Variants in PDE10A observed in about 807,000 individuals in gnomAD.
PDE10A encodes phosphodiesterase 10A.
A neutral mutation model predicts 97.7 loss-of-function variants in PDE10A; 39 were observed. The ratio of observed to expected loss-of-function variants is 0.40; its 90% CI spans 0.31 to 0.52. PDE10A has a LOEUF of 0.52. Among genes scored for constraint, PDE10A ranks in the 20% least tolerant of loss-of-function variants. The pLI is 0.56. For synonymous variants in PDE10A, 371 were observed against 376.8 expected (o/e 0.98, Z 0.18); for missense variants, 731 against 1,047.8 (o/e 0.70, Z 4.17).
intron 1 of PDE10A, among the ~76,000 whole-genome samples, chr6:165,752,759 T>C (rs570329049): frequency 1.3e-5 from 2 of 152,320 alleles, no homozygotes; most frequent in East Asian, 1.9e-4. Flanking sequence ...AAAATGCTCA[T>C]GTATTGGTTT....
chr6:165,576,335 T>C (rs920836150), intron 1 of PDE10A: 23 of 771,840 alleles, frequency 3.0e-5, no homozygotes, highest in African/African-American at 8.5e-5. Context: ...AACAGAGCTA[T>C]AGAGTACTAG....
At chr6:165,882,146 T>C (rs1045488697) in intron 1 of PDE10A, among the ~76,000 whole-genome samples, 4 of 152,206 alleles carry the variant, frequency 2.6e-5, no homozygotes, top group African/African-American at 7.2e-5. Flanking sequence ...GGCAGATTGA[T>C]TTCCACTCCA....
At chr6:165,816,695 A>G (rs1031329491) in intron 1 of PDE10A, among the ~76,000 whole-genome samples, 1 of 152,252 alleles carries the variant, frequency 6.6e-6, no homozygotes, top group Non-Finnish European at 1.5e-5. Context: ...AATGAAAGCA[A>G]TAGAATCTAG....
intron 11 of PDE10A, among the ~76,000 whole-genome samples, chr6:165,416,549 A>G (rs892485516): frequency 9.9e-5 from 15 of 152,234 alleles, no homozygotes; most frequent in Non-Finnish European, 1.9e-4. Context: ...GCTCTGAACA[A>G]TAATAATCCC....
At chr6:165,707,245 G>A (rs982631321) in intron 1 of PDE10A, among the ~76,000 whole-genome samples, 7 of 152,262 alleles carry the variant, frequency 4.6e-5, no homozygotes, top group East Asian at 1.9e-4. Context: ...CCCCAGTCCC[G>A]CCCTGGTCCC....
intron 1 of PDE10A, among the ~76,000 whole-genome samples, chr6:165,807,101 C>G (rs78248449): frequency 0.016 from 2,434 of 152,240 alleles, 65 homozygotes; most frequent in African/African-American, 0.053. Context: ...TCTCTCTACA[C>G]GTGAGAGAAA....
At chr6:165,495,785 C>T (rs539608) in intron 2 of PDE10A, among the ~76,000 whole-genome samples, 20,451 of 152,124 alleles carry the variant, frequency 0.13, 1,563 homozygotes, top group East Asian at 0.25. Flanking sequence ...TCACTATTAA[C>T]TCAAAATCCT....
rs562668296 is a variant in PDE10A, at chr6:165,738,517, G to C, written c.-614-194949C>G. On this transcript the variant is annotated intron_variant, in intron 1 of 19. Transcript: ENST00000366882. ...TAGCAGCATGATTTATAGTCCTTTG[G>C]GTATATACCCAGTAATGGGATGGCT... Among the ~76,000 whole-genome samples the C allele has an allele frequency of 1.6e-4, 25 of 151,728 alleles. No individual in the cohort carries two copies. The South Asian group carries it at 5.2e-3, about 32-fold the overall frequency.
intron 5 of PDE10A, among the ~76,000 whole-genome samples, chr6:165,435,864 T>A (rs1789978460): frequency 6.6e-6 from 1 of 152,178 alleles, no homozygotes; most frequent in South Asian, 2.1e-4. Context: ...TCACATTACT[T>A]CGACTGGCTA....
At chr6:165,737,529 A>G (rs74937062) in intron 1 of PDE10A, among the ~76,000 whole-genome samples, 11,900 of 152,268 alleles carry the variant, frequency 0.078, 538 homozygotes, top group African/African-American at 0.12. Flanking sequence ...TACTACATTA[A>G]CAGAATGAAA....
rs1779524317 is a variant in PDE10A, at chr6:165,819,985, T to C, written c.-615+167544A>G. Among the ~76,000 whole-genome samples the C allele has an allele frequency of 6.6e-6, 1 of 152,246 alleles. No individual in the cohort carries two copies. Among genetic ancestry groups the C allele is most frequent in the Non-Finnish European group, 1.5e-5 (1 of 68,050 alleles). ...AAACTCCTTAAACTCAAGTTAGTAATATAAAATTTAGGAGAAAATTTTAAA... is the reference window on the plus strand; with the variant it reads ...AAACTCCTTAAACTCAAGTTAGTAACATAAAATTTAGGAGAAAATTTTAAA... On this transcript the variant is annotated intron_variant, in intron 1 of 19. Transcript: ENST00000366882. The surrounding 1 kb of genome is among the most constrained non-coding windows in gnomAD (Gnocchi z 4.2).
intron 1 of PDE10A, chr6:165,894,428 G>A (rs1781886208): frequency 2.2e-6 from 1 of 455,942 alleles, no homozygotes; most frequent in South Asian, 1.5e-5. Context: ...TATAAGTCAA[G>A]GCCTGCATTC....
intron 13 of PDE10A, among the ~76,000 whole-genome samples, chr6:165,402,150 C>T (rs1189973270): frequency 1.3e-5 from 2 of 152,086 alleles, no homozygotes; most frequent in Non-Finnish European, 2.9e-5. Context: ...AAAACTTCTA[C>T]AAGATAGTTA....
intron 1 of PDE10A, among the ~76,000 whole-genome samples, chr6:165,878,485 A>G (rs985097977): frequency 1.3e-5 from 2 of 152,198 alleles, no homozygotes; most frequent in Non-Finnish European, 1.5e-5. Flanking sequence ...ACTTAAAGTG[A>G]TGTTCCTAAA....
In PDE10A at chr6:165,671,049, G is replaced by A. The variant is rs192890745; in HGVS notation, c.-614-127481C>T. ...CTAGGGTTATCTGACCCATCTTTCC[G>A]ATCAGATTGTACTGGTAAAGAGTCT... On this transcript the variant is annotated intron_variant, in intron 1 of 19. Transcript: ENST00000366882. This position sits in a 1 kb window ranked among gnomAD's most constrained non-coding sequence, Gnocchi z 4.6. Among the ~76,000 whole-genome samples, 9 of 152,124 alleles carry A rather than the reference G, an allele frequency of 5.9e-5. No individual in the cohort carries two copies. In the South Asian group the frequency reaches 6.2e-4, roughly 11 times the overall value.
intron 1 of PDE10A, chr6:165,986,513 G>GTCTCTCTCTCTCTCTCTCTCTC (rs55892857): frequency 6.8e-5 from 10 of 146,154 alleles, no homozygotes; most frequent in African/African-American, 2.5e-4. Context: ...CTCTCTCTCT[G>GTCTCTCTCTCTCTCTCTCTCTC]TCTCTCTCTC....
chr6:165,924,192 G>A (rs1158971936), intron 1 of PDE10A, among the ~76,000 whole-genome samples: 3 of 152,080 alleles, frequency 2.0e-5, no homozygotes, highest in African/African-American at 4.8e-5. Context: ...TTCCAAGTTG[G>A]ATAAAATATC....
At chr6:165,521,609 A>G (rs1041091680) in intron 2 of PDE10A, among the ~76,000 whole-genome samples, 1 of 152,212 alleles carries the variant, frequency 6.6e-6, no homozygotes, top group Non-Finnish European at 1.5e-5. Flanking sequence ...ACAGAAGATT[A>G]AATCAGCCAC....
Position 165,356,187 on chromosome 6 carries a change from G to A in PDE10A, c.2784-12685C>T, listed in dbSNP as rs141864745. Among the ~76,000 whole-genome samples the A allele has an allele frequency of 1.6e-3, 240 of 152,244 alleles. 1 individual carries two copies. Among genetic ancestry groups the A allele is most frequent in the African/African-American group, 5.4e-3 (224 of 41,542 alleles). ...TCACCAGGCCCCTCCCTTGACACAT[G>A]CAGATTACAATCCGAGATGAGATTT... On this transcript the variant is annotated intron_variant, in intron 18 of 21. Transcript: ENST00000539869.
Sources: allele counts gnomAD v4.1 joint callset (sites outside exome capture counted in the v4.1 genomes callset), GRCh38; gene constraint gnomAD v4.1.1; non-coding constraint Gnocchi (gnomAD v3.1); transcripts MANE v1.5; gene names NCBI Gene and HGNC (gene_info 2026-07-23, HGNC 2026-07-21).